Variants in ARAP2 observed in about 807,000 individuals in gnomAD.
ARAP2 encodes ArfGAP with RhoGAP domain, ankyrin repeat and PH domain 2, also known as arf-GAP with Rho-GAP domain, ANK repeat and PH domain-containing protein 2.
Under a neutral mutation model 194.5 loss-of-function variants are expected in ARAP2, and 148 were observed. The observed-to-expected ratio is 0.76, with a 90% confidence interval of 0.67 to 0.87. The LOEUF (loss-of-function observed/expected upper bound fraction) is 0.87, where lower values mean the gene tolerates loss of function less well. Among genes scored for constraint, ARAP2 ranks in the 40% least tolerant of loss-of-function variants. The pLI is 0.00. For missense variants in ARAP2, 2,128 were observed against 1,989.7 expected, an observed-to-expected ratio of 1.07 and a Z score of -1.32; for synonymous variants, 695 against 683.5, an observed-to-expected ratio of 1.02 and a Z score of -0.26.
intron 2 of ARAP2, among the ~76,000 whole-genome samples, chr4:36,053,726 A>C (rs1204101807): frequency 6.6e-6 from 1 of 152,218 alleles, no homozygotes; most frequent in Non-Finnish European, 1.5e-5. Flanking sequence ...AACTAAAAGG[A>C]ATTTATTAAA....
At position 36,177,877 on chromosome 4, in the gene ARAP2, T is replaced by G; in HGVS notation, c.1807A>C (p.Ile603Leu). The G allele has an allele frequency of 1.2e-6, 2 of 1,612,978 alleles. No homozygotes were observed. The highest frequency in any genetic ancestry group is 1.3e-5 in the African/African-American group (1 of 74,978). The change falls in exon 9 of 33, where the codon ATT becomes CTT. Residue 603 changes from isoleucine (I) to leucine (L), a missense_variant. Coordinates refer to ENST00000303965, the MANE Select transcript of ARAP2 (RefSeq NM_015230.4). ...CTGTTTCCACTTAACACAGTAAAAA[T>G]TTTTGCCTTATAGCCTCTCAATTCA... ...YLELRGYKAKIFTVLSGNSVW... is the reference protein window; with the variant it reads ...YLELRGYKAKLFTVLSGNSVW...
At chr4:36,214,125 T>C (rs1042262964) in intron 3 of ARAP2, among the ~76,000 whole-genome samples, 13 of 152,170 alleles carry the variant, frequency 8.5e-5, no homozygotes, top group Non-Finnish European at 1.8e-4. Flanking sequence ...TAGCTCAAAC[T>C]GCCAGAAACC....
intron 19 of ARAP2, among the ~76,000 whole-genome samples, chr4:36,145,275 A>G (rs893399904): frequency 3.9e-5 from 6 of 152,028 alleles, no homozygotes; most frequent in Non-Finnish European, 5.9e-5. Flanking sequence ...CGTGGAATCA[A>G]CTCAAGTGCC....
chr4:36,097,220 G>A (rs896859884), intron 27 of ARAP2, among the ~76,000 whole-genome samples: 6 of 151,922 alleles, frequency 3.9e-5, no homozygotes, highest in African/African-American at 7.3e-5. Context: ...AAACCTCAGC[G>A]TGCACCCTAT....
chr4:36,125,949 A>G (rs933044671), intron 21 of ARAP2, among the ~76,000 whole-genome samples: 5 of 152,020 alleles, frequency 3.3e-5, no homozygotes, highest in African/African-American at 1.2e-4. Flanking sequence ...TGATGTCTTA[A>G]AAGTACAAAG....
intron 10 of ARAP2, chr4:36,006,901 A>G (rs1228746068): frequency 1.3e-5 from 2 of 152,120 alleles, no homozygotes; most frequent in Non-Finnish European, 2.9e-5. Flanking sequence ...GAGAGAAAGT[A>G]CCCAGGTGAG....
At chr4:36,233,015 C>T (rs781222727) in intron 1 of ARAP2, among the ~76,000 whole-genome samples, 3 of 152,156 alleles carry the variant, frequency 2.0e-5, no homozygotes, top group Non-Finnish European at 2.9e-5. Flanking sequence ...ACTCAACATG[C>T]TGAATATGGT....
Position 36,068,204 on chromosome 4 carries a change from C to T in ARAP2, c.4818G>A (p.Lys1606=), listed in dbSNP as rs766233857. 6.2e-7 allele frequency: 1 copy of T among 1,613,386 alleles called. No homozygotes were observed. The highest frequency in any genetic ancestry group is 8.5e-7 in the Non-Finnish European group (1 of 1,179,726). ...AGTGGGCCACCATGGAAGCTCTCTC[C>T]TTTAAGCTAGAGTCCACGGACTCTT... is the stretch of plus-strand genomic sequence containing the variant. ...CDKESVDSSL[K]ERASMVAHCL... The change falls in exon 33 of 33, where the codon AAG becomes AAA. Residue 1606 remains lysine, a synonymous_variant. Transcript: ENST00000303965.
chr4:36,242,338 T>A (rs1413353449), intron 1 of ARAP2, among the ~76,000 whole-genome samples: 1 of 152,136 alleles, frequency 6.6e-6, no homozygotes, highest in Non-Finnish European at 1.5e-5. Context: ...TGAGGACAGG[T>A]GGAAATGTAT....
At chr4:36,177,456 C>T (rs1235566392) in intron 9 of ARAP2, among the ~76,000 whole-genome samples, 1 of 152,098 alleles carries the variant, frequency 6.6e-6, no homozygotes, top group Non-Finnish European at 1.5e-5. Context: ...AAAATAAAAG[C>T]AGCACAGGGT....
At position 36,066,966 on chromosome 4, in the gene ARAP2, A is replaced by C. The variant is rs1725612591; in HGVS notation, c.*941T>G. ...AATAATTTAAAAAAATCTAAAAATC[A>C]AACAAAACAACAGGACCCTGTGGTG... On this transcript the variant is annotated 3_prime_UTR_variant, in exon 33 of 33. Transcript: ENST00000303965. The C allele has an allele frequency of 6.6e-6, 1 of 152,218 alleles. No individual in the cohort carries two copies. Among genetic ancestry groups the C allele is most frequent in the Non-Finnish European group, 1.5e-5 (1 of 68,042 alleles). The allele number at this position is 152,218 out of a possible 1,614,324, so 9.4% of individuals were successfully genotyped here. A position where few individuals can be genotyped will look rare whatever the true frequency, so the allele number is the denominator to read the frequency against.
chr4:36,151,609 T>C (rs1397092400), intron 15 of ARAP2, among the ~76,000 whole-genome samples: 1 of 152,324 alleles, frequency 6.6e-6, no homozygotes, highest in African/African-American at 2.4e-5. Context: ...AAAGTCTATA[T>C]ATTAGATAAT....
chr4:36,060,032 G>A (rs1724160884), intron 1 of ARAP2, among the ~76,000 whole-genome samples: 1 of 152,116 alleles, frequency 6.6e-6, no homozygotes, highest in African/African-American at 2.4e-5. Flanking sequence ...TAGTAGAGGG[G>A]AAGATGAGAT....
intron 7 of ARAP2, among the ~76,000 whole-genome samples, chr4:36,192,179 T>G (rs868656176): frequency 2.7e-5 from 4 of 150,136 alleles, no homozygotes; most frequent in Admixed American, 1.3e-4. Context: ...TTTTTTTTTT[T>G]TTTTTTTTTT....
chr4:36,184,067 C>T (rs1423213325), intron 8 of ARAP2, among the ~76,000 whole-genome samples: 1 of 152,090 alleles, frequency 6.6e-6, no homozygotes, highest in African/African-American at 2.4e-5. Flanking sequence ...AAGTTAAAGT[C>T]CTTAAGCCAC....
rs527833880 is a variant in ARAP2 at position 36,107,783 on chromosome 4, A to G, written c.4157-90T>C. The stretch of plus-strand genomic sequence containing the variant: ...TCATAAATTTTAAAAAATCCATTTG[A>G]AAACATCTGTAGGCAACATTATACA... On this transcript the variant is annotated intron_variant, in intron 26 of 32. Transcript: ENST00000303965. 2.6e-4 allele frequency: 334 copies of G among 1,305,340 alleles called. 3 individuals carry two copies. In the South Asian group the frequency reaches 4.8e-3, roughly 19 times the overall value. 80.9% of individuals were successfully genotyped at this position (1,305,340 alleles called of 1,614,324 possible).
rs376223129 is a variant in ARAP2, at chr4:36,091,375, A to G, written c.4425+506T>C. On this transcript the variant is annotated intron_variant, in intron 28 of 32. Transcript: ENST00000303965. ...CTCTTATCCACTCCACAATTATTTAATAAGATCTTTTAGGGAAATAAATTA... is the reference window on the plus strand; with the variant it reads ...CTCTTATCCACTCCACAATTATTTAGTAAGATCTTTTAGGGAAATAAATTA... 3.9e-5 allele frequency among the ~76,000 whole-genome samples: 6 copies of G among 152,232 alleles called. No homozygotes were observed. The East Asian group carries it at 9.7e-4, about 24-fold the overall frequency.
chr4:36,013,058 T>C (rs1714841133), intron 8 of ARAP2, among the ~76,000 whole-genome samples: 1 of 152,206 alleles, frequency 6.6e-6, no homozygotes, highest in South Asian at 2.1e-4. Flanking sequence ...GTATGTTACA[T>C]ATTGAATATA....
At chr4:36,080,098 C>T (rs1475621494) in intron 31 of ARAP2, 118 bp downstream of exon 31, 2 of 721,398 alleles carry the variant, frequency 2.8e-6, no homozygotes, top group African/African-American at 1.8e-5. Flanking sequence ...AAAGTTTATG[C>T]CAATTGTACA....
Sources: allele counts gnomAD v4.1 joint callset (sites outside exome capture counted in the v4.1 genomes callset), GRCh38; gene constraint gnomAD v4.1.1; transcripts MANE v1.5; gene names NCBI Gene and HGNC (gene_info 2026-07-23, HGNC 2026-07-21).